Variants in ALK observed in about 807,000 individuals in gnomAD.
ALK encodes the protein ALK receptor tyrosine kinase.
ALK carries 74 observed loss-of-function variants against 163.1 expected under a neutral mutation model. That is an observed-to-expected ratio of 0.45 (90% CI 0.38 to 0.55). ALK has a LOEUF of 0.55. Ranked by LOEUF, ALK falls within the 20% of genes least tolerant of loss-of-function variation. ALK has a pLI of 0.00. For missense variants in ALK, 2,063 were observed against 2,105.3 expected (o/e 0.98, Z 0.39); for synonymous variants, 960 against 843.2 (o/e 1.14, Z -2.40).
intron 4 of ALK, among the ~76,000 whole-genome samples, chr2:29,489,599 C>T (rs1450610833): frequency 6.6e-6 from 1 of 152,180 alleles, no homozygotes; most frequent in Non-Finnish European, 1.5e-5. Context: ...TGTGCCTGGC[C>T]CTCCAAAGAT....
chr2:29,796,698 C>CCTAG (rs1245222488), intron 1 of ALK, among the ~76,000 whole-genome samples: 6 of 152,070 alleles, frequency 3.9e-5, no homozygotes, highest in Admixed American at 3.9e-4. Flanking sequence ...CTCTAAGCAA[C>CCTAG]CTAGCTATTC....
At chr2:29,331,753 G>A (rs1667445548) in intron 5 of ALK, among the ~76,000 whole-genome samples, 1 of 152,120 alleles carries the variant, frequency 6.6e-6, no homozygotes, top group East Asian at 1.9e-4. Flanking sequence ...CACTAAACTT[G>A]TAACAACCAG....
intron 5 of ALK, among the ~76,000 whole-genome samples, chr2:29,377,548 C>CCAT (rs1349348779): frequency 6.6e-6 from 1 of 151,912 alleles, no homozygotes; most frequent in East Asian, 1.9e-4. Flanking sequence ...TCATGAAGCC[C>CCAT]CATTGAGGGG....
chr2:29,416,146 T>C (rs1669871456), intron 4 of ALK, among the ~76,000 whole-genome samples: 1 of 152,222 alleles, frequency 6.6e-6, no homozygotes, highest in Non-Finnish European at 1.5e-5. Context: ...ATATATACCC[T>C]CCTGGTTCTG....
chr2:29,769,173 C>T (rs985379309), intron 1 of ALK, among the ~76,000 whole-genome samples: 1 of 152,100 alleles, frequency 6.6e-6, no homozygotes, highest in Non-Finnish European at 1.5e-5. Context: ...CTCAAATTTC[C>T]CACATTGAGC....
chr2:29,765,332 C>A (rs1409278705), intron 1 of ALK, among the ~76,000 whole-genome samples: 1 of 152,088 alleles, frequency 6.6e-6, no homozygotes, highest in African/African-American at 2.4e-5. Flanking sequence ...TTCTCCCCTT[C>A]CTTCATTTTC....
intron 23 of ALK, among the ~76,000 whole-genome samples, chr2:29,218,529 G>A (rs537834547): frequency 1.3e-5 from 2 of 152,288 alleles, no homozygotes; most frequent in South Asian, 4.2e-4. Context: ...ATCATCAAAG[G>A]AGAGAGATGC....
At chr2:29,554,652 C>T (rs775110856) in intron 3 of ALK, among the ~76,000 whole-genome samples, 1 of 152,136 alleles carries the variant, frequency 6.6e-6, no homozygotes, top group African/African-American at 2.4e-5. Flanking sequence ...ATTTGAATAC[C>T]TGCTACTGTC....
At chr2:29,683,129 C>A (rs1678126471) in intron 3 of ALK, among the ~76,000 whole-genome samples, 2 of 152,146 alleles carry the variant, frequency 1.3e-5, no homozygotes, top group African/African-American at 4.8e-5. Context: ...GTAATCTCAG[C>A]ACTTTGGGTG....
At chr2:29,501,154 TAGAACATCTCTTC>T in intron 4 of ALK, among the ~76,000 whole-genome samples, 1 of 152,350 alleles carries the variant, frequency 6.6e-6, no homozygotes, top group Non-Finnish European at 1.5e-5. Context: ...TGGATCCTTC[TAGAACATCTCTTC>T]AGTCCCTCTG....
At chr2:29,622,514 C>T (rs1481551521) in intron 3 of ALK, among the ~76,000 whole-genome samples, 3 of 152,176 alleles carry the variant, frequency 2.0e-5, no homozygotes, top group African/African-American at 4.8e-5. Context: ...CCTCTGGGTC[C>T]CTCCCACAAC....
intron 4 of ALK, among the ~76,000 whole-genome samples, chr2:29,475,900 A>G (rs970254327): frequency 6.6e-6 from 1 of 152,238 alleles, no homozygotes; most frequent in African/African-American, 2.4e-5. Context: ...AAAATCCCAG[A>G]CAGGCGGCAA....
intron 1 of ALK, among the ~76,000 whole-genome samples, chr2:29,877,513 G>C (rs181541174): frequency 6.6e-6 from 1 of 152,274 alleles, no homozygotes; most frequent in African/African-American, 2.4e-5. Flanking sequence ...TTTTCTGTTT[G>C]GTTCACTGCT....
chr2:29,284,451 T>C (rs1161916431), intron 9 of ALK, among the ~76,000 whole-genome samples: 1 of 152,160 alleles, frequency 6.6e-6, no homozygotes, highest in Non-Finnish European at 1.5e-5. Context: ...TTCCGAGACA[T>C]TAAGAATTAT....
intron 5 of ALK, among the ~76,000 whole-genome samples, chr2:29,357,111 T>C (rs1668268881): frequency 6.6e-6 from 1 of 152,160 alleles, no homozygotes; most frequent in Non-Finnish European, 1.5e-5. Flanking sequence ...AACGAACGCC[T>C]CTGAGTTTTA....
chr2:29,194,080 T>A (rs12619135), intron 28 of ALK, among the ~76,000 whole-genome samples, 158 bp from the exon 29 acceptor site: 1 of 151,834 alleles, frequency 6.6e-6, no homozygotes, highest in East Asian at 1.9e-4. Flanking sequence ...GCATACAAAA[T>A]GAATGGGAAG....
At chr2:29,831,872 C>G (rs1665430070) in intron 1 of ALK, among the ~76,000 whole-genome samples, 1 of 152,140 alleles carries the variant, frequency 6.6e-6, no homozygotes, top group South Asian at 2.1e-4. Flanking sequence ...GGTTAATGGC[C>G]AATATCTCCT....
chr2:29,387,937 A>T (rs1284944898), intron 4 of ALK, among the ~76,000 whole-genome samples: 1 of 152,226 alleles, frequency 6.6e-6, no homozygotes, highest in Non-Finnish European at 1.5e-5. Flanking sequence ...AGTCAATTGC[A>T]TTTCATTTCC....
At chr2:29,594,901 TG>T (rs1465185928) in intron 3 of ALK, among the ~76,000 whole-genome samples, 7 of 29,396 alleles carry the variant, frequency 2.4e-4, no homozygotes, top group South Asian at 1.3e-3. Context: ...AAATGGGGGG[TG>T]GGGGGCGGGG....
Sources: gnomAD v4.1 joint callset for allele counts (sites outside exome capture counted in the v4.1 genomes callset) on GRCh38, gnomAD v4.1.1 for gene constraint, MANE v1.5 for transcripts, NCBI Gene and HGNC (gene_info 2026-07-23, HGNC 2026-07-21) for gene names.